CP: variants seen among roughly 807,000 people sequenced by gnomAD.
CP encodes the protein caeruloplasmin.
A neutral mutation model predicts 122.4 loss-of-function variants in CP; 64 were observed. The observed-to-expected ratio is 0.52, with a 90% confidence interval of 0.43 to 0.64. The LOEUF (loss-of-function observed/expected upper bound fraction) is 0.64, where lower values mean the gene tolerates loss of function less well. Among genes scored for constraint, CP ranks in the 30% least tolerant of loss-of-function variants. CP has a pLI of 0.00. For missense variants in CP, 1,167 were observed against 1,284.4 expected (o/e 0.91, Z 1.40); for synonymous variants, 440 against 436.4 (o/e 1.01, Z -0.10).
At chr3:149,167,817 C>T, downstream of CP, 1 of 912,328 alleles carries the variant, frequency 1.1e-6, no homozygotes, top group Non-Finnish European at 1.8e-6. Context: ...CTTTCCTGCA[C>T]AATCTTCTTA....
chr3:149,211,752 G>C (rs1196719347), intron 2 of CP, among the ~76,000 whole-genome samples: 1 of 152,190 alleles, frequency 6.6e-6, no homozygotes, highest in Admixed American at 6.5e-5. Flanking sequence ...GAACTTCAAA[G>C]ATAAGGCAAT....
At position 149,209,268 on chromosome 3, in the gene CP, C is replaced by G; in HGVS notation, c.724G>C (p.Glu242Gln). 6.2e-7 allele frequency: 1 copy of G among 1,613,756 alleles called. No individual in the cohort carries two copies. The highest frequency in any genetic ancestry group is 8.5e-7 in the Non-Finnish European group (1 of 1,179,774). ...TTGTCTTTGTCAACTTTCTCTGGTT[C>G]TGAGCAGTAGGTTTTAATGTTGTCT... is the stretch of plus-strand genomic sequence containing the variant. The part of the protein sequence containing the change: ...LEDNIKTYCS[E>Q]PEKVDKDNED... Residue 242 changes from glutamate to glutamine, a missense_variant, in exon 4 of 19, where the codon GAA becomes CAA. This residue lies in a region of CP where 642 missense variants were observed against 627.3 expected (regional missense o/e 1.02). Coordinates refer to ENST00000264613, the MANE Select transcript of CP (RefSeq NM_000096.4).
intron 9 of CP, among the ~76,000 whole-genome samples, chr3:149,196,493 G>T (rs544990136): frequency 2.0e-5 from 3 of 152,204 alleles, no homozygotes; most frequent in South Asian, 4.1e-4. Context: ...CAAAAAACAG[G>T]CTTTTGGGAA....
rs1725583808 is a variant in CP at position 149,178,739 on chromosome 3, T to A, written c.2662-108A>T. ...GGAATTTTGGAGAGACCAATTGAAG[T>A]AACAGACTTTGCCCAATGTGGTACT... On this transcript the variant is annotated intron_variant, in intron 15 of 18. Coordinates refer to ENST00000264613, the MANE Select transcript of CP (RefSeq NM_000096.4). The A allele has an allele frequency of 1.7e-5, 13 of 785,308 alleles. No individual in the cohort carries two copies. In the South Asian group the frequency reaches 1.7e-4, roughly 10 times the overall value. 48.6% of individuals were successfully genotyped at this position (785,308 alleles called of 1,614,324 possible).
intron 6 of CP, among the ~76,000 whole-genome samples, chr3:149,202,497 G>GC (rs1377974647): frequency 6.6e-6 from 1 of 151,912 alleles, no homozygotes; most frequent in Non-Finnish European, 1.5e-5. Context: ...TTTCAGAAGG[G>GC]CCCCTTCAAC....
At chr3:149,219,431 G>A (rs887467995) in intron 1 of CP, among the ~76,000 whole-genome samples, 1 of 152,144 alleles carries the variant, frequency 6.6e-6, no homozygotes, top group African/African-American at 2.4e-5. Flanking sequence ...CTGAATCATG[G>A]ATGTGGTTTC....
intron 9 of CP, 127 bp downstream of exon 9, chr3:149,198,221 GTGGGCATTTTTAAAGAAGT>G (rs1727026889): frequency 1.6e-6 from 1 of 638,310 alleles, no homozygotes; most frequent in Non-Finnish European, 2.8e-6. Context: ...TGTGATAATT[GTGGGCATTTTTAAAGAAGT>G]CCTTATCTTT....
intron 9 of CP, among the ~76,000 whole-genome samples, chr3:149,193,540 C>T (rs1726683172): frequency 6.6e-6 from 1 of 151,986 alleles, no homozygotes; most frequent in Non-Finnish European, 1.5e-5. Context: ...CTATTTTCTT[C>T]TTTTACCTCC....
At chr3:149,219,004 A>G (rs1728643479) in intron 1 of CP, among the ~76,000 whole-genome samples, 1 of 152,182 alleles carries the variant, frequency 6.6e-6, no homozygotes, top group African/African-American at 2.4e-5. Context: ...TCCTTCACTG[A>G]CTGGGCTAAA....
Position 149,210,376 on chromosome 3 carries a change from G to A in CP, c.398C>T (p.Ala133Val), listed in dbSNP as rs568817035. The change falls in exon 3 of 19, where the codon GCC (alanine) becomes GTC (valine). Residue 133 changes from alanine to valine, a missense_variant. By Grantham distance (64) the Ala-to-Val change is moderately conservative. Around this residue, in one of 2 missense-constraint regions of CP, gnomAD observed 642 missense variants for 627.3 expected, o/e 1.02. Coordinates refer to ENST00000264613, the MANE Select transcript of CP (RefSeq NM_000096.4). The stretch of plus-strand genomic sequence containing the variant: ...ATCTGTGGTGTTATCAGGGTAGATG[G>A]CCCCTAGGAAGCAACATGCAATGAA... ...GITYYKEHEG[A>V]IYPDNTTDFQ... is the part of the protein sequence containing the mutation. The A allele has an allele frequency of 5.6e-6, 9 of 1,613,930 alleles. No homozygotes were observed. The South Asian group carries it at 8.8e-5, about 16-fold the overall frequency.
At chr3:149,189,816 A>T (rs1040127708) in intron 9 of CP, among the ~76,000 whole-genome samples, 9 of 152,182 alleles carry the variant, frequency 5.9e-5, no homozygotes, top group Admixed American at 4.6e-4. Context: ...TTTTCTGATC[A>T]TAATGCAATA....
chr3:149,221,701 G>A lies in CP; in HGVS notation c.92C>T (p.Thr31Met), dbSNP rs139978529. The A allele has an allele frequency of 2.9e-5, 46 of 1,612,968 alleles. No homozygotes were observed. Among genetic ancestry groups the A allele is most frequent in the African/African-American group, 1.1e-4 (8 of 74,878 alleles). The change falls in exon 1 of 19, where the codon ACG becomes ATG. Residue 31 changes from threonine to methionine, a missense_variant. Physicochemically the swap from Thr to Met is moderately conservative, Grantham distance 81 (BLOSUM62 -1). Transcript: ENST00000264613. Reference sequence around the variant, plus strand: ...ATGGTCAGAGGCATAATCCCAAGTCGTTTCAATAATTCCAATGTAATAATG... The same window carrying A: ...ATGGTCAGAGGCATAATCCCAAGTCATTTCAATAATTCCAATGTAATAATG... ...EKHYYIGIIE[T>M]TWDYASDHGE...
intron 6 of CP, among the ~76,000 whole-genome samples, chr3:149,203,420 T>A (rs1034399841): frequency 6.6e-6 from 1 of 152,112 alleles, no homozygotes; most frequent in Non-Finnish European, 1.5e-5. Flanking sequence ...TATGCCACCA[T>A]GCTCAGCTAA....
intron 9 of CP, among the ~76,000 whole-genome samples, chr3:149,194,845 A>C (rs1451751481): frequency 6.6e-6 from 1 of 152,214 alleles, no homozygotes; most frequent in Non-Finnish European, 1.5e-5. Flanking sequence ...AGAAAGAATA[A>C]GGAAGCAAAA....
intron 9 of CP, among the ~76,000 whole-genome samples, chr3:149,193,116 G>A (rs1041597676): frequency 2.0e-5 from 3 of 151,840 alleles, no homozygotes; most frequent in South Asian, 2.1e-4. Context: ...AATTCTAGTC[G>A]CTAGTTACAA....
At chr3:149,204,660 TAACC>T (rs939285809) in intron 6 of CP, among the ~76,000 whole-genome samples, 2 of 152,200 alleles carry the variant, frequency 1.3e-5, no homozygotes, top group African/African-American at 4.8e-5. Context: ...ATGAATTACT[TAACC>T]TTTCCAAGGA....
intron 5 of CP, among the ~76,000 whole-genome samples, chr3:149,164,734 T>TG (rs1301809631): frequency 6.6e-6 from 1 of 152,168 alleles, no homozygotes; most frequent in Non-Finnish European, 1.5e-5. Context: ...ACCTGAGGGT[T>TG]GGGGCTGACC....
chr3:149,186,698 A>G lies in CP; in HGVS notation c.1899T>C (p.Gly633=), dbSNP rs147192657. 20 of 1,614,134 alleles carry G rather than the reference A, an allele frequency of 1.2e-5. No homozygotes were observed. The highest frequency in any genetic ancestry group is 1.2e-4 in the African/African-American group (9 of 75,032). The change falls in exon 11 of 19, where the codon GGT becomes GGC. Residue 633 remains glycine (G), a synonymous_variant. Transcript: ENST00000264613. ...MNGFMYGNQP[G]LTMCKGDSVV... ...CCGAATCTCCTTTGCACATAGTGAG[A>G]CCCGGCTGATTCCCATACATGAATC... is the stretch of plus-strand genomic sequence containing the variant.
chr3:149,171,565 A>T (rs1724989549), downstream of CP, among the ~76,000 whole-genome samples: 1 of 152,242 alleles, frequency 6.6e-6, no homozygotes, highest in Non-Finnish European at 1.5e-5. Flanking sequence ...TCCAAATTTC[A>T]TGTGGCTGAT....
Sources: allele counts gnomAD v4.1 joint callset (sites outside exome capture counted in the v4.1 genomes callset), GRCh38; gene constraint gnomAD v4.1.1; regional missense constraint gnomAD v4.1.1; transcripts MANE v1.5; gene names NCBI Gene and HGNC (gene_info 2026-07-23, HGNC 2026-07-21).